Variants in CNTNAP4 observed in about 807,000 individuals in gnomAD.
CNTNAP4 encodes contactin associated protein family member 4, also known as contactin-associated protein-like 4.
In CNTNAP4, 98 loss-of-function variants were observed where a neutral mutation model predicts 148.4. The observed-to-expected ratio is 0.66, with a 90% confidence interval of 0.56 to 0.78. CNTNAP4 has a LOEUF of 0.78. Among genes scored for constraint, CNTNAP4 ranks in the 30% least tolerant of loss-of-function variants. The pLI is 0.00. For missense variants in CNTNAP4, 1,935 were observed against 1,565.6 expected (o/e 1.24, Z -3.98); for synonymous variants, 730 against 565.1 (o/e 1.29, Z -4.14).
At chr16:76,496,870 T>C (rs1042431461) in intron 14 of CNTNAP4, among the ~76,000 whole-genome samples, 3 of 152,180 alleles carry the variant, frequency 2.0e-5, no homozygotes, top group South Asian at 2.1e-4. Flanking sequence ...GATGTTTGAA[T>C]TGGCAGAAAG....
Position 76,468,960 on chromosome 16 carries a change from A to G in CNTNAP4, c.1655+1437A>G, listed in dbSNP as rs1420203412. Among the ~76,000 whole-genome samples, 2 of 152,206 alleles carry G rather than the reference A, an allele frequency of 1.3e-5. 1 individual carries two copies. Among genetic ancestry groups the G allele is most frequent in the Non-Finnish European group, 2.9e-5 (2 of 68,032 alleles). On this transcript the variant is annotated intron_variant, in intron 10 of 23. Transcript: ENST00000611870. Reference sequence around the variant, plus strand: ...CCTCTACCCTGTAGTAATGTTCAATATGTATTTTGAATAAATACATAAATT... The same window carrying G: ...CCTCTACCCTGTAGTAATGTTCAATGTGTATTTTGAATAAATACATAAATT...
chr16:76,378,877 A>G (rs1437880349), intron 3 of CNTNAP4, among the ~76,000 whole-genome samples: 1 of 152,216 alleles, frequency 6.6e-6, no homozygotes, highest in East Asian at 1.9e-4. Flanking sequence ...GCGGAACAGG[A>G]GGAACCTGAG....
At chr16:76,536,910 A>G (rs1387641267) in intron 18 of CNTNAP4, among the ~76,000 whole-genome samples, 1 of 152,184 alleles carries the variant, frequency 6.6e-6, no homozygotes, top group East Asian at 1.9e-4. Context: ...CTTTTCCTGA[A>G]GGAGGCTAAC....
At chr16:76,352,924 G>A (rs1365820990) in intron 2 of CNTNAP4, among the ~76,000 whole-genome samples, 1 of 151,988 alleles carries the variant, frequency 6.6e-6, no homozygotes, top group Non-Finnish European at 1.5e-5. Context: ...CGGACAGCAG[G>A]GCCATGCTAA....
At chr16:76,387,101 G>C (rs72794965) in intron 3 of CNTNAP4, among the ~76,000 whole-genome samples, 2,325 of 152,226 alleles carry the variant, frequency 0.015, 42 homozygotes, top group Non-Finnish European at 0.024. Flanking sequence ...AGTGAAACCT[G>C]TGTCAGATTT....
chr16:76,446,068 A>G (rs2080230965), intron 4 of CNTNAP4, among the ~76,000 whole-genome samples: 1 of 122,160 alleles, frequency 8.2e-6, no homozygotes, highest in African/African-American at 3.1e-5. Context: ...AATTCTCTAT[A>G]AGCACATTAG....
At chr16:76,315,103 G>T (rs1467451466) in intron 1 of CNTNAP4, among the ~76,000 whole-genome samples, 1 of 151,974 alleles carries the variant, frequency 6.6e-6, no homozygotes, top group Non-Finnish European at 1.5e-5. Context: ...TTACTGGCGT[G>T]TATTATACTG....
chr16:76,390,175 G>A lies in CNTNAP4; in HGVS notation c.390+34664G>A, dbSNP rs541827946. On this transcript the variant is annotated intron_variant, in intron 3 of 23. Coordinates refer to ENST00000611870, the MANE Select transcript of CNTNAP4 (RefSeq NM_033401.5). ...TCCTCCCTGGGAGATGGACAAAGCCGTCAGGTAAACTTGTGCACTACTGGA... is the reference window on the plus strand; with the variant it reads ...TCCTCCCTGGGAGATGGACAAAGCCATCAGGTAAACTTGTGCACTACTGGA... 2.9e-4 allele frequency among the ~76,000 whole-genome samples: 44 copies of A among 152,264 alleles called. 1 individual carries two copies. The highest frequency in any genetic ancestry group is 9.4e-4 in the African/African-American group (39 of 41,564).
chr16:76,468,395 A>C (rs2081251991), intron 10 of CNTNAP4, among the ~76,000 whole-genome samples: 2 of 152,200 alleles, frequency 1.3e-5, no homozygotes, highest in Admixed American at 6.5e-5. Context: ...AATCACTTGA[A>C]TCAGGGAGGC....
intron 1 of CNTNAP4, among the ~76,000 whole-genome samples, chr16:76,297,088 G>C (rs1567613402): frequency 6.6e-6 from 1 of 152,104 alleles, no homozygotes; most frequent in African/African-American, 2.4e-5. Context: ...AACATAAGAG[G>C]GAAATCTCTT....
chr16:76,532,047 A>G (rs1174266506), intron 17 of CNTNAP4, among the ~76,000 whole-genome samples: 3 of 152,098 alleles, frequency 2.0e-5, no homozygotes, highest in Non-Finnish European at 2.9e-5. Context: ...ATTTATTTTT[A>G]TTATCTTGTA....
chr16:76,406,398 T>C (rs912969703), intron 3 of CNTNAP4, among the ~76,000 whole-genome samples: 1 of 152,012 alleles, frequency 6.6e-6, no homozygotes. Context: ...GACAACAATA[T>C]TGAAATTAGA....
At position 76,424,950 on chromosome 16, in the gene CNTNAP4, G is replaced by A. The variant is rs117786265; in HGVS notation, c.391-2502G>A. On this transcript the variant is annotated intron_variant, in intron 3 of 23. Coordinates refer to ENST00000611870, the MANE Select transcript of CNTNAP4 (RefSeq NM_033401.5). ...AATCGATTTTTTAGGTGAATCATCG[G>A]GATTGCCATAGAAATTGAGACTGTA... 1.1e-3 allele frequency among the ~76,000 whole-genome samples: 169 copies of A among 152,176 alleles called. 1 individual carries two copies. The East Asian group carries it at 0.021, about 19-fold the overall frequency.
At chr16:76,349,074 C>T (rs1044352345) in intron 2 of CNTNAP4, among the ~76,000 whole-genome samples, 17 of 152,092 alleles carry the variant, frequency 1.1e-4, no homozygotes, top group Admixed American at 6.6e-4. Flanking sequence ...CTAGAAAGCA[C>T]GGCAAACACT....
chr16:76,494,773 A>AT (rs1385200666), intron 13 of CNTNAP4, 137 bp from the exon 14 acceptor site: 1 of 911,980 alleles, frequency 1.1e-6, no homozygotes, highest in Non-Finnish European at 1.6e-6. Flanking sequence ...ACTGTTTTGC[A>AT]TATCCTTAAA....
rs374676194 is a variant in CNTNAP4, at chr16:76,526,706, C to G, written c.2755+4449C>G. ...TATTTATTTTTGAGACAGAGTCTCA[C>G]TATGTCACTCAAACTGGAGTGCAGA... On this transcript the variant is annotated intron_variant, in intron 17 of 23. Transcript: ENST00000611870. Among the ~76,000 whole-genome samples, 24 of 152,254 alleles carry G rather than the reference C, an allele frequency of 1.6e-4. No homozygotes were observed. In the South Asian group the frequency reaches 4.8e-3, roughly 30 times the overall value.
At chr16:76,461,144 A>G (rs918674650) in intron 8 of CNTNAP4, among the ~76,000 whole-genome samples, 2 of 152,124 alleles carry the variant, frequency 1.3e-5, no homozygotes, top group African/African-American at 4.8e-5. Flanking sequence ...TAGGAATGCT[A>G]GACAACAGTT....
At chr16:76,337,233 A>G (rs1431226342) in intron 2 of CNTNAP4, among the ~76,000 whole-genome samples, 3 of 152,240 alleles carry the variant, frequency 2.0e-5, no homozygotes, top group Non-Finnish European at 4.4e-5. Context: ...AGGTTTCCTT[A>G]GCCTTGAATG....
Position 76,535,531 on chromosome 16 carries a change from T to C in CNTNAP4, c.2756-14T>C. 1.2e-6 allele frequency: 2 copies of C among 1,611,146 alleles called. No individual in the cohort carries two copies. The highest frequency in any genetic ancestry group is 1.7e-5 in the Admixed American group (1 of 59,936). On this transcript the variant is annotated splice_polypyrimidine_tract_variant and intron_variant, in intron 17 of 23. Coordinates refer to ENST00000611870, the MANE Select transcript of CNTNAP4 (RefSeq NM_033401.5). The stretch of plus-strand genomic sequence containing the variant: ...CCTAGGAACATGTTTCCATTTGCAG[T>C]ATTTCCCTTTTAGGTGGAACGGCCA...
Sources: allele counts gnomAD v4.1 joint callset (sites outside exome capture counted in the v4.1 genomes callset), GRCh38; gene constraint gnomAD v4.1.1; transcripts MANE v1.5; gene names NCBI Gene and HGNC (gene_info 2026-07-23, HGNC 2026-07-21).